The following TRABD2B variants were observed in gnomAD, a reference collection of about 807,000 sequenced individuals.
TRABD2B encodes TraB domain containing 2B.
A neutral mutation model predicts 40.1 loss-of-function variants in TRABD2B; 14 were observed. The observed-to-expected ratio is 0.35, with a 90% CI of 0.23 to 0.55. The LOEUF (loss-of-function observed/expected upper bound fraction) is 0.55, where lower values mean the gene tolerates loss of function less well. Ranked by LOEUF, TRABD2B falls within the 20% of genes least tolerant of loss-of-function variation. The pLI, the probability that TRABD2B is intolerant of heterozygous loss-of-function variation, is 0.90. For missense variants in TRABD2B, 541 were observed against 648.6 expected (o/e 0.83, Z 1.80); for synonymous variants, 263 against 277.0 (o/e 0.95, Z 0.50).
At chr1:47,983,756 G>A (rs74475579) in intron 2 of TRABD2B, among the ~76,000 whole-genome samples, 1,563 of 120,982 alleles carry the variant, frequency 0.013, no homozygotes, top group Middle Eastern at 0.016. Flanking sequence ...GGCAAAAAAA[G>A]AAAAAAAAAA....
At chr1:47,795,788 T>C (rs1323772584) in intron 3 of TRABD2B, 6 of 777,512 alleles carry the variant, frequency 7.7e-6, no homozygotes, top group Non-Finnish European at 7.8e-6. Context: ...TTCCAGGACA[T>C]AATGCAAATG....
intron 2 of TRABD2B, among the ~76,000 whole-genome samples, chr1:47,837,106 C>T (rs1374681729): frequency 6.6e-6 from 1 of 152,168 alleles, no homozygotes. Flanking sequence ...AGCCTAAAAT[C>T]CTGTGAAAGT....
chr1:47,776,046 G>T (rs1644442764), intron 5 of TRABD2B, among the ~76,000 whole-genome samples: 1 of 151,966 alleles, frequency 6.6e-6, no homozygotes, highest in African/African-American at 2.4e-5. Context: ...GTGAAATGGG[G>T]GTGTTGCAGA....
intron 2 of TRABD2B, among the ~76,000 whole-genome samples, chr1:47,956,386 A>G (rs147829163): frequency 0.023 from 3,573 of 152,282 alleles, 110 homozygotes; most frequent in Admixed American, 0.09. Flanking sequence ...CCCATGGAGC[A>G]TGAGCTGAAG....
intron 2 of TRABD2B, among the ~76,000 whole-genome samples, chr1:47,838,249 C>A (rs1645345626): frequency 6.6e-6 from 1 of 152,204 alleles, no homozygotes; most frequent in South Asian, 2.1e-4. Flanking sequence ...GGAAGTCATT[C>A]ATCCAGGGAC....
intron 2 of TRABD2B, among the ~76,000 whole-genome samples, chr1:47,907,171 GC>G (rs915553381): frequency 1.1e-4 from 16 of 152,204 alleles, no homozygotes; most frequent in Non-Finnish European, 1.3e-4. Flanking sequence ...GGGGCTGCGG[GC>G]CCCAGGCTGC....
At chr1:47,865,857 T>C (rs1644048900) in intron 2 of TRABD2B, among the ~76,000 whole-genome samples, 1 of 152,082 alleles carries the variant, frequency 6.6e-6, no homozygotes, top group Non-Finnish European at 1.5e-5. Flanking sequence ...TACCATGCAC[T>C]CAGTGGGTTT....
chr1:47,898,109 G>A (rs767686846), intron 2 of TRABD2B, among the ~76,000 whole-genome samples: 18 of 152,162 alleles, frequency 1.2e-4, no homozygotes, highest in Non-Finnish European at 1.6e-4. Context: ...AGCAGATGAA[G>A]GAAGGGAAGA....
chr1:47,990,771 TTATATATATA>T lies in TRABD2B; in HGVS notation c.666+3253_666+3262del, dbSNP rs55649435. On this transcript the variant is annotated intron_variant, in intron 2 of 6. Coordinates refer to ENST00000606738, the MANE Select transcript of TRABD2B (RefSeq NM_001194986.2). Reference sequence around the variant, plus strand: ...AGTTGTTGGTTTTAAAACGTTGGTTTTATATATATATATATATATATATATATATATATAT... The same window carrying T: ...AGTTGTTGGTTTTAAAACGTTGGTTTTATATATATATATATATATATATAT... Among the ~76,000 whole-genome samples, 44 of 36,550 alleles carry T rather than the reference TTATATATATA, an allele frequency of 1.2e-3. 1 individual carries two copies. The highest frequency in any genetic ancestry group is 2.3e-3 in the South Asian group (2 of 888). 24.0% of individuals were successfully genotyped at this position (36,550 alleles called of 152,430 possible).
At chr1:47,858,625 C>G (rs1220697938) in intron 2 of TRABD2B, among the ~76,000 whole-genome samples, 1 of 152,188 alleles carries the variant, frequency 6.6e-6, no homozygotes, top group Non-Finnish European at 1.5e-5. Context: ...TGACAGTAAG[C>G]CTCAGCAAAG....
At chr1:47,870,016 G>A (rs189175111) in intron 2 of TRABD2B, among the ~76,000 whole-genome samples, 46 of 152,250 alleles carry the variant, frequency 3.0e-4, no homozygotes, top group African/African-American at 1.0e-3. Context: ...CACACCTAGC[G>A]TCCCAAGAGC....
intron 6 of TRABD2B, among the ~76,000 whole-genome samples, chr1:47,774,194 C>A (rs910100653): frequency 1.3e-5 from 2 of 152,056 alleles, no homozygotes; most frequent in South Asian, 4.2e-4. Flanking sequence ...GTTTATTTAA[C>A]GAATAGCCAA....
In TRABD2B at chr1:47,961,274, C is replaced by G. The variant is rs1032177951; in HGVS notation, c.666+32760G>C. ...CATAAAAACCCTAGAAGAAAACCTA[C>G]GCAATACCATTCAGGACATAGGCAT... On this transcript the variant is annotated intron_variant, in intron 2 of 6. Coordinates refer to ENST00000606738, the MANE Select transcript of TRABD2B (RefSeq NM_001194986.2). Among the ~76,000 whole-genome samples the G allele has an allele frequency of 6.0e-4, 91 of 152,174 alleles. 1 individual carries two copies. The East Asian group carries it at 0.017, about 28-fold the overall frequency.
At chr1:47,820,939 G>A (rs1645100632) in intron 2 of TRABD2B, among the ~76,000 whole-genome samples, 3 of 152,170 alleles carry the variant, frequency 2.0e-5, no homozygotes, top group Non-Finnish European at 4.4e-5. Context: ...GGTAGTAGCA[G>A]GAAGTTCTGA....
In TRABD2B at chr1:47,906,117, T is replaced by G. The variant is rs145225869; in HGVS notation, c.666+87917A>C. On this transcript the variant is annotated intron_variant, in intron 2 of 6. Coordinates refer to ENST00000606738, the MANE Select transcript of TRABD2B (RefSeq NM_001194986.2). ...GCAGAGCTGGGATCAGAAGCCAGGTTTCCTGAGTGCTCCCCACTTCAATGG... is the reference window on the plus strand; with the variant it reads ...GCAGAGCTGGGATCAGAAGCCAGGTGTCCTGAGTGCTCCCCACTTCAATGG... Among the ~76,000 whole-genome samples, 357 of 152,290 alleles carry G rather than the reference T, an allele frequency of 2.3e-3. 2 individuals carry two copies. The highest frequency in any genetic ancestry group is 8.3e-3 in the African/African-American group (344 of 41,560).
At chr1:47,975,432 C>G (rs1250926987) in intron 2 of TRABD2B, among the ~76,000 whole-genome samples, 6 of 152,180 alleles carry the variant, frequency 3.9e-5, no homozygotes, top group Non-Finnish European at 8.8e-5. Context: ...AGACGAATTC[C>G]TGAAGTCTGT....
chr1:47,951,311 C>G (rs1042345208), intron 2 of TRABD2B, among the ~76,000 whole-genome samples: 2 of 152,256 alleles, frequency 1.3e-5, no homozygotes, highest in African/African-American at 4.8e-5. Flanking sequence ...TTGGGAGAAA[C>G]AGACATGGCT....
intron 6 of TRABD2B, among the ~76,000 whole-genome samples, chr1:47,771,377 C>CCTCTG (rs1644376196): frequency 6.6e-6 from 1 of 152,166 alleles, no homozygotes; most frequent in Non-Finnish European, 1.5e-5. Context: ...TTGTCACCCA[C>CCTCTG]CTCTGTGCCC....
chr1:47,896,489 A>G (rs1644523864), intron 2 of TRABD2B, among the ~76,000 whole-genome samples: 1 of 152,212 alleles, frequency 6.6e-6, no homozygotes, highest in East Asian at 1.9e-4. Context: ...CTCCCTCTGG[A>G]ACCCAAGCAG....
Sources: gnomAD v4.1 joint callset for allele counts (sites outside exome capture counted in the v4.1 genomes callset) on GRCh38, gnomAD v4.1.1 for gene constraint, MANE v1.5 for transcripts, NCBI Gene and HGNC (gene_info 2026-07-23, HGNC 2026-07-21) for gene names.